CDKL1: variants seen among roughly 807,000 people sequenced by gnomAD.
CDKL1 encodes the protein cyclin dependent kinase like 1, also known as cyclin-dependent kinase-like 1.
Under a neutral mutation model 42.0 loss-of-function variants are expected in CDKL1, and 41 were observed. That is an observed-to-expected ratio of 0.98 (90% CI 0.76 to 1.27). The LOEUF is 1.27. Ranked by LOEUF, CDKL1 falls within the 50% of genes most tolerant of loss-of-function variation. The pLI, the probability that CDKL1 is intolerant of heterozygous loss-of-function variation, is 0.00. For missense variants in CDKL1, 394 were observed against 428.4 expected, an observed-to-expected ratio of 0.92 and a Z score of 0.71; for synonymous variants, 153 against 158.6, an observed-to-expected ratio of 0.96 and a Z score of 0.26.
chr14:50,336,018 T>C, intron 7 of CDKL1: 1 of 1,366,540 alleles, frequency 7.3e-7, no homozygotes, highest in Non-Finnish European at 9.8e-7. Flanking sequence ...TAAATATTTC[T>C]CTTGTTCTTT....
intron 3 of CDKL1, among the ~76,000 whole-genome samples, chr14:50,356,122 G>A (rs1204276523): frequency 6.6e-6 from 1 of 152,200 alleles, no homozygotes; most frequent in African/African-American, 2.4e-5. Context: ...CTGGCACCAA[G>A]CAGGCTGGTA....
chr14:50,352,809 A>T (rs2033941791), intron 3 of CDKL1, among the ~76,000 whole-genome samples: 1 of 152,220 alleles, frequency 6.6e-6, no homozygotes, highest in Non-Finnish European at 1.5e-5. Flanking sequence ...GCAAGTGAAC[A>T]TTAAACAAAT....
At chr14:50,397,142 G>A, upstream of CDKL1, 1 of 1,366,098 alleles carries the variant, frequency 7.3e-7, no homozygotes, top group Non-Finnish European at 9.8e-7. Context: ...CTGTAACCGC[G>A]TCTGCGGAGC....
intron 5 of CDKL1, 48 bp downstream of exon 5, chr14:50,342,084 G>T (rs7142237): frequency 0.71 from 1,031,708 of 1,446,462 alleles, 369,909 homozygotes; most frequent in East Asian, 0.82. Context: ...GTTGTATCAA[G>T]AACTTTTTCA....
At chr14:50,375,849 T>C (rs2034715621) in intron 2 of CDKL1, among the ~76,000 whole-genome samples, 1 of 151,492 alleles carries the variant, frequency 6.6e-6, no homozygotes, top group Non-Finnish European at 1.5e-5. Flanking sequence ...CTTGATGGGA[T>C]GGGACGTGGT....
upstream of CDKL1, chr14:50,396,997 C>CAG: frequency 9.5e-7 from 1 of 1,053,046 alleles, no homozygotes; most frequent in South Asian, 1.5e-5. Context: ...GCCCGGCCGC[C>CAG]CTCCCGGCTG....
At chr14:50,342,713 G>T in intron 4 of CDKL1, 1 of 354,390 alleles carries the variant, frequency 2.8e-6, no homozygotes, top group Non-Finnish European at 4.4e-6. Flanking sequence ...GCAAATTGGT[G>T]CATAAGCAGA....
intron 2 of CDKL1, among the ~76,000 whole-genome samples, chr14:50,384,697 T>TA (rs1420543982): frequency 4.0e-5 from 6 of 150,094 alleles, no homozygotes; most frequent in African/African-American, 7.4e-5. Context: ...TTTTTTTTTT[T>TA]ACAGAAAAAT....
chr14:50,337,708 A>G (rs1246310034), intron 7 of CDKL1, among the ~76,000 whole-genome samples: 1 of 141,428 alleles, frequency 7.1e-6, no homozygotes, highest in East Asian at 2.0e-4. Flanking sequence ...GTTCGGAGAC[A>G]GGGTCTTACT....
At chr14:50,353,329 A>G (rs747086774) in intron 3 of CDKL1, among the ~76,000 whole-genome samples, 47 of 152,336 alleles carry the variant, frequency 3.1e-4, no homozygotes, top group Non-Finnish European at 5.0e-4. Flanking sequence ...TTCGGAGATG[A>G]TGAAGAAATA....
chr14:50,359,113 CT>C lies in CDKL1; in HGVS notation c.204del (p.Val69SerfsTer35), dbSNP rs774344656. 8.1e-6 allele frequency: 13 copies of C among 1,612,426 alleles called. No homozygotes were observed. In the East Asian group the frequency reaches 2.9e-4, roughly 36 times the overall value. On this transcript the variant is annotated frameshift_variant, in exon 3 of 10. Coordinates refer to ENST00000395834, the MANE Select transcript of CDKL1 (RefSeq NM_004196.7). LOFTEE classifies it high-confidence loss of function. The stretch of plus-strand genomic sequence containing the variant: ...TGAAGCCTCCGTTTCCTCCTGAAGA[CT>C]TCCAGGAGGTTAACAAGGTTGGGAT... ...LKHPNLVNLL[E>X]VFRRKRRLHL...
chr14:50,332,396 A>G lies in CDKL1; in HGVS notation c.832T>C (p.Cys278Arg). Residue 278 changes from cysteine (C) to arginine (R), a missense_variant, in exon 9 of 10, where the codon TGT becomes CGT. Physicochemically the swap from Cys to Arg is radical, Grantham distance 180. Transcript: ENST00000395834. Reference sequence around the variant, plus strand: ...TATGGGTGATGCAACAGCTGTTCACATGTCAGCCTTTGAGTAGGGTCCATG... The same window carrying G: ...TATGGGTGATGCAACAGCTGTTCACGTGTCAGCCTTTGAGTAGGGTCCATG... ...LHMDPTQRLT[C>R]EQLLHHPYFE... is the part of the protein sequence containing the mutation. The G allele has an allele frequency of 6.2e-7, 1 of 1,614,126 alleles. No homozygotes were observed. The highest frequency in any genetic ancestry group is 1.1e-5 in the South Asian group (1 of 91,050).
At chr14:50,377,519 C>A in intron 2 of CDKL1, 1 of 1,135,916 alleles carries the variant, frequency 8.8e-7, no homozygotes. Context: ...CTGGGAGGTG[C>A]ACAGTCTAAG....
At chr14:50,367,930 C>T (rs1185128163) in intron 2 of CDKL1, among the ~76,000 whole-genome samples, 2 of 152,244 alleles carry the variant, frequency 1.3e-5, no homozygotes, top group Admixed American at 6.5e-5. Context: ...TTTATTTTCT[C>T]TTTGTGTTTT....
intron 7 of CDKL1, among the ~76,000 whole-genome samples, chr14:50,336,653 A>G (rs1214827610): frequency 6.6e-6 from 1 of 152,220 alleles, no homozygotes; most frequent in Non-Finnish European, 1.5e-5. Context: ...CTGGAGGGTT[A>G]GTTTCATTTT....
At chr14:50,345,440 C>T (rs74704680) in intron 3 of CDKL1, among the ~76,000 whole-genome samples, 1 of 152,166 alleles carries the variant, frequency 6.6e-6, no homozygotes. Flanking sequence ...CTATTCAGCA[C>T]AAAAGATGCT....
intron 2 of CDKL1, chr14:50,390,108 T>C (rs1172247342): frequency 7.5e-7 from 1 of 1,337,386 alleles, no homozygotes; most frequent in African/African-American, 1.5e-5. Flanking sequence ...TGTCCAAATT[T>C]ACTAGGTCCC....
At chr14:50,357,484 G>C (rs543086027) in intron 3 of CDKL1, among the ~76,000 whole-genome samples, 101 of 152,040 alleles carry the variant, frequency 6.6e-4, no homozygotes, top group Admixed American at 2.0e-3. Flanking sequence ...TCTTCATATT[G>C]TCCCCAGCCA....
chr14:50,348,563 A>G (rs2033802579), intron 3 of CDKL1, among the ~76,000 whole-genome samples: 1 of 151,974 alleles, frequency 6.6e-6, no homozygotes, highest in African/African-American at 2.4e-5. Flanking sequence ...GGCAGACTTC[A>G]CTCTCCAGGC....
Sources: allele counts gnomAD v4.1 joint callset (sites outside exome capture counted in the v4.1 genomes callset), GRCh38; gene constraint gnomAD v4.1.1; transcripts MANE v1.5; gene names NCBI Gene and HGNC (gene_info 2026-07-23, HGNC 2026-07-21).